The following MIPOL1 variants were observed in gnomAD, a reference collection of about 807,000 sequenced individuals.
The protein encoded by MIPOL1 is mirror-image polydactyly 1.
In MIPOL1, 57 loss-of-function variants were observed where a neutral mutation model predicts 60.9. The observed-to-expected ratio is 0.94, with a 90% CI of 0.76 to 1.17. MIPOL1 has a LOEUF of 1.17. MIPOL1 is among the 50% of genes most tolerant of loss of function. MIPOL1 has a pLI of 0.00. For synonymous variants in MIPOL1, 179 were observed against 168.8 expected (o/e 1.06, Z -0.47); for missense variants, 551 against 511.6 (o/e 1.08, Z -0.74).
chr14:37,478,474 A>T (rs2094811132), intron 11 of MIPOL1, among the ~76,000 whole-genome samples: 1 of 152,224 alleles, frequency 6.6e-6, no homozygotes, highest in Non-Finnish European at 1.5e-5. Flanking sequence ...ATCTGATGCC[A>T]TCAAACTAAA....
chr14:37,315,787 G>A (rs975391695), intron 9 of MIPOL1, among the ~76,000 whole-genome samples: 6 of 152,072 alleles, frequency 3.9e-5, no homozygotes, highest in African/African-American at 1.4e-4. Flanking sequence ...CTTGGTTATT[G>A]CAGCCATTGG....
chr14:37,402,362 A>G (rs1269052324), intron 10 of MIPOL1, among the ~76,000 whole-genome samples: 5 of 152,154 alleles, frequency 3.3e-5, no homozygotes, highest in African/African-American at 9.7e-5. Flanking sequence ...ATAAAATTAG[A>G]TCAGTACTAT....
rs570747917 is a variant in MIPOL1 at position 37,480,640 on chromosome 14, C to T, written c.1032-19268C>T. On this transcript the variant is annotated intron_variant, in intron 11 of 12. Transcript: ENST00000684589. ...CAATTAAAAGCCTCTCCTCTAAGAT[C>T]TGGGATCAGACAAGGATGCCAGCTC... Among the ~76,000 whole-genome samples the T allele has an allele frequency of 2.6e-5, 4 of 152,266 alleles. No homozygotes were observed. In the East Asian group the frequency reaches 5.8e-4, roughly 22 times the overall value.
intron 6 of MIPOL1, among the ~76,000 whole-genome samples, chr14:37,273,854 G>A (rs2083462060): frequency 1.3e-5 from 2 of 151,548 alleles, no homozygotes; most frequent in Admixed American, 1.3e-4. Context: ...GTTAATATAT[G>A]TAAGGACATG....
intron 10 of MIPOL1, among the ~76,000 whole-genome samples, chr14:37,390,268 A>G (rs2093200824): frequency 6.6e-6 from 1 of 151,968 alleles, no homozygotes; most frequent in Non-Finnish European, 1.5e-5. Context: ...ACTGACCCCC[A>G]TATTCTGCAG....
At chr14:37,351,981 T>C (rs1461539858) in intron 9 of MIPOL1, among the ~76,000 whole-genome samples, 4 of 139,872 alleles carry the variant, frequency 2.9e-5, no homozygotes, top group East Asian at 2.2e-4. Context: ...TCCTTGCCCA[T>C]GCCTATGTCC....
At chr14:37,239,531 AAAG>A (rs1476965149) in intron 1 of MIPOL1, among the ~76,000 whole-genome samples, 4 of 152,220 alleles carry the variant, frequency 2.6e-5, no homozygotes, top group African/African-American at 9.6e-5. Context: ...GTGGTAAAAA[AAAG>A]AGTACAACAC....
intron 6 of MIPOL1, 81 bp downstream of exon 6, chr14:37,270,606 A>T: frequency 5.0e-6 from 3 of 604,588 alleles, no homozygotes; most frequent in Middle Eastern, 2.9e-4. Context: ...GAATACTAGC[A>T]TACTGGCTTA....
At chr14:37,350,639 C>A (rs1208558196) in intron 9 of MIPOL1, among the ~76,000 whole-genome samples, 1 of 152,046 alleles carries the variant, frequency 6.6e-6, no homozygotes, top group African/African-American at 2.4e-5. Flanking sequence ...ATTATAGTTA[C>A]CCTATTTTAC....
chr14:37,395,288 G>T (rs1476165826), intron 10 of MIPOL1, among the ~76,000 whole-genome samples: 1 of 152,150 alleles, frequency 6.6e-6, no homozygotes, highest in East Asian at 1.9e-4. Context: ...TGTGAAGAAT[G>T]ATGGTGGTAT....
chr14:37,494,021 G>A (rs1448611686), intron 11 of MIPOL1, among the ~76,000 whole-genome samples: 5 of 152,118 alleles, frequency 3.3e-5, no homozygotes, highest in Non-Finnish European at 5.9e-5. Context: ...CTAAACAAGC[G>A]GGCCTTGTTG....
intron 11 of MIPOL1, among the ~76,000 whole-genome samples, chr14:37,449,970 G>T (rs1340566934): frequency 1.3e-5 from 2 of 151,882 alleles, no homozygotes; most frequent in Non-Finnish European, 2.9e-5. Context: ...GCACCACCAC[G>T]CCTGGCTAAT....
At chr14:37,380,989 A>G (rs2092909034) in intron 10 of MIPOL1, among the ~76,000 whole-genome samples, 1 of 152,092 alleles carries the variant, frequency 6.6e-6, no homozygotes, top group Non-Finnish European at 1.5e-5. Flanking sequence ...TCTCTGATGG[A>G]AACGCTCTAT....
chr14:37,280,476 C>T (rs1247658748), intron 6 of MIPOL1, among the ~76,000 whole-genome samples: 1 of 152,208 alleles, frequency 6.6e-6, no homozygotes, highest in Non-Finnish European at 1.5e-5. Context: ...TCCACACCAA[C>T]ACTTGTTATC....
intron 9 of MIPOL1, among the ~76,000 whole-genome samples, chr14:37,320,932 C>T (rs1323412093): frequency 6.6e-6 from 1 of 151,684 alleles, no homozygotes; most frequent in Non-Finnish European, 1.5e-5. Context: ...TTTCTGGACT[C>T]TGTTCTGTTC....
chr14:37,463,140 A>G (rs980113950), intron 11 of MIPOL1, among the ~76,000 whole-genome samples: 1 of 152,214 alleles, frequency 6.6e-6, no homozygotes, highest in East Asian at 1.9e-4. Flanking sequence ...CAATCATGGC[A>G]GAAGGCAAGG....
chr14:37,362,375 T>C (rs1946938597), intron 9 of MIPOL1, among the ~76,000 whole-genome samples: 1 of 152,206 alleles, frequency 6.6e-6, no homozygotes, highest in Non-Finnish European at 1.5e-5. Context: ...GAAGCTTAGT[T>C]TGGCTGGATA....
At position 37,202,467 on chromosome 14, in the gene MIPOL1, A is replaced by G. The variant is rs6571796; in HGVS notation, c.-199+4363A>G. On this transcript the variant is annotated intron_variant, in intron 1 of 12. Coordinates refer to ENST00000684589, the MANE Select transcript of MIPOL1 (RefSeq NM_001388067.1). ...TGCTTTATAAGTCCCACACAAAGCA[A>G]TTGTGTTCATATGCGTGTTTTTCAT... Among the ~76,000 whole-genome samples the G allele has an allele frequency of 9.5e-3, 1,450 of 152,186 alleles. 28 individuals carry two copies. The highest frequency in any genetic ancestry group is 0.033 in the African/African-American group (1,368 of 41,520).
chr14:37,269,933 T>C (rs1301070659), intron 5 of MIPOL1, among the ~76,000 whole-genome samples: 1 of 152,140 alleles, frequency 6.6e-6, no homozygotes, highest in Non-Finnish European at 1.5e-5. Context: ...GTTCAAGCAA[T>C]TCTCCTGCCT....
Sources: gnomAD v4.1 joint callset for allele counts (sites outside exome capture counted in the v4.1 genomes callset) on GRCh38, gnomAD v4.1.1 for gene constraint, MANE v1.5 for transcripts, NCBI Gene and HGNC (gene_info 2026-07-23, HGNC 2026-07-21) for gene names.